The following LRFN5 variants were observed in gnomAD, a reference collection of about 807,000 sequenced individuals.
The protein encoded by LRFN5 is leucine rich repeat and fibronectin type III domain containing 5.
LRFN5 carries 24 observed loss-of-function variants against 45.6 expected under a neutral mutation model. The observed-to-expected ratio is 0.53, with a 90% CI of 0.38 to 0.74. The LOEUF (loss-of-function observed/expected upper bound fraction) is 0.74. LRFN5 is among the 30% of genes least tolerant of loss of function. The pLI, the probability that LRFN5 is intolerant of heterozygous loss-of-function variation, is 0.00. For missense variants in LRFN5, 776 were observed against 861.5 expected (o/e 0.90, Z 1.24); for synonymous variants, 340 against 313.8 (o/e 1.08, Z -0.88).
intron 1 of LRFN5, among the ~76,000 whole-genome samples, chr14:41,742,312 T>TACAC (rs61109523): frequency 0.06 from 8,671 of 145,146 alleles, 299 homozygotes; most frequent in East Asian, 0.086. Context: ...GTGGTGTGTA[T>TACAC]ACACACACAC....
chr14:41,627,473 C>T (rs1229813207), intron 1 of LRFN5, among the ~76,000 whole-genome samples: 7 of 152,054 alleles, frequency 4.6e-5, no homozygotes, highest in Non-Finnish European at 1.0e-4. Flanking sequence ...GTATATTTTC[C>T]TTTTGTCAAG....
intron 4 of LRFN5, among the ~76,000 whole-genome samples, chr14:41,895,870 A>C (rs1336697115): frequency 6.6e-6 from 1 of 152,128 alleles, no homozygotes; most frequent in Non-Finnish European, 1.5e-5. Context: ...TAACAAGTCT[A>C]ATCTTTGAAA....
At chr14:41,780,005 A>G (rs1428631368) in intron 2 of LRFN5, among the ~76,000 whole-genome samples, 1 of 151,778 alleles carries the variant, frequency 6.6e-6, no homozygotes, top group Non-Finnish European at 1.5e-5. Flanking sequence ...TATGTTGGTC[A>G]ATTTTCTCTA....
intron 1 of LRFN5, among the ~76,000 whole-genome samples, chr14:41,743,220 G>A (rs1448646569): frequency 6.6e-6 from 1 of 152,104 alleles, no homozygotes; most frequent in African/African-American, 2.4e-5. Context: ...GCATGTAGTA[G>A]CCATTCCTGG....
At chr14:41,638,018 C>T (rs183413237) in intron 1 of LRFN5, among the ~76,000 whole-genome samples, 1 of 152,102 alleles carries the variant, frequency 6.6e-6, no homozygotes, top group African/African-American at 2.4e-5. Flanking sequence ...TGCAGCAACA[C>T]CAGATCCTCT....
chr14:41,742,378 AT>A (rs1035158611), intron 1 of LRFN5, among the ~76,000 whole-genome samples: 13 of 151,498 alleles, frequency 8.6e-5, no homozygotes, highest in Admixed American at 4.6e-4. Context: ...AAATAAGGAA[AT>A]TTTTTTCATT....
chr14:41,706,354 CCT>C (rs1370773319), intron 1 of LRFN5, among the ~76,000 whole-genome samples: 2 of 152,172 alleles, frequency 1.3e-5, no homozygotes, highest in African/African-American at 4.8e-5. Flanking sequence ...CCAACCTCGG[CCT>C]CCCAAAGTGC....
chr14:41,643,674 G>A (rs1594576129), intron 1 of LRFN5, among the ~76,000 whole-genome samples: 2 of 151,336 alleles, frequency 1.3e-5, no homozygotes, highest in East Asian at 3.9e-4. Flanking sequence ...CTCCCCACTG[G>A]CATGCACGTG....
At chr14:41,782,806 G>A (rs940693545) in intron 2 of LRFN5, among the ~76,000 whole-genome samples, 32 of 152,182 alleles carry the variant, frequency 2.1e-4, no homozygotes, top group Admixed American at 1.8e-3. Context: ...AAGAGACTGT[G>A]TCTTACAGCT....
At chr14:41,720,098 T>A (rs1195496067) in intron 1 of LRFN5, among the ~76,000 whole-genome samples, 1 of 152,058 alleles carries the variant, frequency 6.6e-6, no homozygotes, top group Non-Finnish European at 1.5e-5. Context: ...TTGTACTCAA[T>A]CATTAGTTTT....
At position 41,669,056 on chromosome 14, in the gene LRFN5, T is replaced by C. The variant is rs150445472; in HGVS notation, c.-197+60494T>C. Among the ~76,000 whole-genome samples the C allele has an allele frequency of 2.2e-4, 34 of 152,210 alleles. 1 individual carries two copies. The East Asian group carries it at 4.1e-3, about 18-fold the overall frequency. ...TATGTAATAGAAATGTGTAATTTTG[T>C]TCATGAAGTTAAGTGACTAATTTGT... is the stretch of plus-strand genomic sequence containing the variant. On this transcript the variant is annotated intron_variant, in intron 1 of 5. Coordinates refer to ENST00000298119, the MANE Select transcript of LRFN5 (RefSeq NM_152447.5).
At chr14:41,712,353 G>C (rs975495307) in intron 1 of LRFN5, among the ~76,000 whole-genome samples, 3 of 152,134 alleles carry the variant, frequency 2.0e-5, no homozygotes, top group African/African-American at 4.8e-5. Context: ...TTTGAGGCCA[G>C]GAGTTCGAGA....
chr14:41,819,164 A>G (rs1888026276), intron 2 of LRFN5, among the ~76,000 whole-genome samples: 1 of 152,190 alleles, frequency 6.6e-6, no homozygotes, highest in South Asian at 2.1e-4. Flanking sequence ...TGACTTTGCT[A>G]TAGTAAATAG....
intron 2 of LRFN5, among the ~76,000 whole-genome samples, chr14:41,812,588 G>T (rs1388023557): frequency 1.3e-5 from 2 of 151,674 alleles, no homozygotes; most frequent in African/African-American, 4.8e-5. Context: ...TCAGCCACAT[G>T]TCAGAAGTAG....
intron 1 of LRFN5, among the ~76,000 whole-genome samples, chr14:41,730,879 G>T (rs1208387837): frequency 1.3e-5 from 2 of 151,758 alleles, no homozygotes; most frequent in Non-Finnish European, 2.9e-5. Context: ...CCGATCATTG[G>T]TAATGTCTTA....
At chr14:41,755,331 T>G (rs1317245752) in intron 1 of LRFN5, among the ~76,000 whole-genome samples, 1 of 152,234 alleles carries the variant, frequency 6.6e-6, no homozygotes, top group African/African-American at 2.4e-5. Flanking sequence ...GTTAACTTTC[T>G]GTCTCATTGA....
At position 41,739,669 on chromosome 14, in the gene LRFN5, C is replaced by A. The variant is rs533205593; in HGVS notation, c.-196-27185C>A. ...CCTCTAGCAACTAGAAAAAAAAAAA[C>A]AAACTAAGCACAAACGTAGTGGAAG... is the stretch of plus-strand genomic sequence containing the variant. On this transcript the variant is annotated intron_variant, in intron 1 of 5. Transcript: ENST00000298119. 3.2e-3 allele frequency among the ~76,000 whole-genome samples: 462 copies of A among 145,598 alleles called. 1 individual carries two copies. Among genetic ancestry groups the A allele is most frequent in the Non-Finnish European group, 5.0e-3 (332 of 66,002 alleles).
At chr14:41,622,788 G>A (rs1768828099) in intron 1 of LRFN5, among the ~76,000 whole-genome samples, 1 of 151,994 alleles carries the variant, frequency 6.6e-6, no homozygotes, top group South Asian at 2.1e-4. Context: ...TTGTAGCTTT[G>A]TATTTGTTAT....
chr14:41,677,922 C>G (rs1375726565), intron 1 of LRFN5, among the ~76,000 whole-genome samples: 1 of 151,650 alleles, frequency 6.6e-6, no homozygotes, highest in Non-Finnish European at 1.5e-5. Flanking sequence ...CACAAAAGAC[C>G]AAATGGCAAT....
Sources: allele counts gnomAD v4.1 joint callset (sites outside exome capture counted in the v4.1 genomes callset), GRCh38; gene constraint gnomAD v4.1.1; transcripts MANE v1.5; gene names NCBI Gene and HGNC (gene_info 2026-07-23, HGNC 2026-07-21).